ATAD2B: variants seen among roughly 807,000 people sequenced by gnomAD.
The protein encoded by ATAD2B is ATPase family AAA domain-containing protein 2B.
ATAD2B carries 40 observed loss-of-function variants against 167.6 expected under a neutral mutation model. That is an observed-to-expected ratio of 0.24 (90% confidence interval 0.19 to 0.31). ATAD2B has a LOEUF of 0.31. Among genes scored for constraint, ATAD2B ranks in the 10% least tolerant of loss-of-function variants. ATAD2B has a pLI of 1.00. For missense variants in ATAD2B, 1,242 were observed against 1,757.2 expected (o/e 0.71, Z 5.24); for synonymous variants, 579 against 596.5 (o/e 0.97, Z 0.43).
At chr2:23,884,418 GA>G (rs1289295620) in intron 6 of ATAD2B, among the ~76,000 whole-genome samples, 1 of 152,012 alleles carries the variant, frequency 6.6e-6, no homozygotes, top group African/African-American at 2.4e-5. Context: ...AGAGGCCACG[GA>G]TAGCAAAGTA....
chr2:23,861,149 C>CTT (rs34830213), intron 12 of ATAD2B, among the ~76,000 whole-genome samples: 112 of 136,334 alleles, frequency 8.2e-4, no homozygotes, highest in East Asian at 1.0e-3. Flanking sequence ...TGTTTTTTTC[C>CTT]TTTTTTTTTT....
intron 12 of ATAD2B, among the ~76,000 whole-genome samples, 171 bp downstream of exon 12, chr2:23,863,210 G>C (rs1168066363): frequency 1.3e-5 from 2 of 152,174 alleles, no homozygotes; most frequent in Non-Finnish European, 2.9e-5. Flanking sequence ...GGCAAGGACT[G>C]ATGCAGGAGA....
At chr2:23,904,986 T>G (rs899067364) in intron 1 of ATAD2B, among the ~76,000 whole-genome samples, 1 of 152,130 alleles carries the variant, frequency 6.6e-6, no homozygotes, top group Non-Finnish European at 1.5e-5. Context: ...TTTTCTCAAA[T>G]ATTCCAAGAA....
chr2:23,879,141 T>G (rs1267764164), intron 7 of ATAD2B, among the ~76,000 whole-genome samples: 2 of 152,216 alleles, frequency 1.3e-5, no homozygotes, highest in Non-Finnish European at 2.9e-5. Flanking sequence ...CTCCTTGGTA[T>G]TTGTTAGAAA....
At chr2:23,903,398 A>G (rs1212380154) in intron 1 of ATAD2B, among the ~76,000 whole-genome samples, 1 of 152,112 alleles carries the variant, frequency 6.6e-6, no homozygotes, top group South Asian at 2.1e-4. Context: ...TAATAATGTA[A>G]AATCCTACAG....
In ATAD2B at chr2:23,751,752, AGAG is replaced by A. The variant is rs1558482192; in HGVS notation, c.*291_*293del. ...AGTCTCCAAAAGAGAGTGCACAAAA[AGAG>A]GAGCAGAAGCGAGAGCAGTTTCTGT... is the stretch of plus-strand genomic sequence containing the variant. On this transcript the variant is annotated 3_prime_UTR_variant, in exon 28 of 28. Coordinates refer to ENST00000238789, the MANE Select transcript of ATAD2B (RefSeq NM_017552.4). 2.5e-6 allele frequency: 1 copy of A among 400,094 alleles called. No individual in the cohort carries two copies. The highest frequency in any genetic ancestry group is 5.2e-5 in the East Asian group (1 of 19,170). The allele number at this position is 400,094 out of a possible 1,614,324, so 24.8% of individuals were successfully genotyped here. A position where few individuals can be genotyped will look rare whatever the true frequency, so the allele number is the denominator to read the frequency against.
chr2:23,912,991 G>A (rs2150564054), intron 1 of ATAD2B, among the ~76,000 whole-genome samples: 1 of 152,126 alleles, frequency 6.6e-6, no homozygotes, highest in South Asian at 2.1e-4. Context: ...GCAAGAATCT[G>A]TCTCAAAAAT....
chr2:23,731,406 C>A, the ATAD2B span, among the ~76,000 whole-genome samples: 33 of 152,248 alleles, frequency 2.2e-4, no homozygotes, highest in African/African-American at 6.0e-4. Context: ...TGTATTTAGG[C>A]ATCAAATATC....
At chr2:23,919,128 A>C (rs1488517682) in intron 1 of ATAD2B, among the ~76,000 whole-genome samples, 1 of 152,172 alleles carries the variant, frequency 6.6e-6, no homozygotes, top group Non-Finnish European at 1.5e-5. Flanking sequence ...GGATTGCTTG[A>C]GGCCAGTAGT....
chr2:23,693,255 G>A, the ATAD2B span: 118 of 1,537,954 alleles, frequency 7.7e-5, no homozygotes, highest in East Asian at 2.7e-4. Context: ...GTGGTCCTGC[G>A]CTGTCGCCCC....
At chr2:23,873,076 G>A (rs1696253528) in intron 8 of ATAD2B, 1 of 509,638 alleles carries the variant, frequency 2.0e-6, no homozygotes, top group African/African-American at 1.9e-5. Context: ...CAGGAAGATA[G>A]TTGCAAAAAT....
the ATAD2B span, chr2:23,696,024 C>T: frequency 3.2e-6 from 5 of 1,551,738 alleles, no homozygotes; most frequent in South Asian, 5.9e-5. The surrounding 1 kb of genome is among the most constrained non-coding windows in gnomAD (Gnocchi z 5.5). Flanking sequence ...TGGTGGCCGT[C>T]ACCTGCTGGA....
intron 19 of ATAD2B, among the ~76,000 whole-genome samples, chr2:23,793,916 A>G (rs148930259): frequency 2.0e-5 from 3 of 152,374 alleles, no homozygotes; most frequent in African/African-American, 7.2e-5. Context: ...CACTAACATT[A>G]AAAGAATAAA....
At chr2:23,701,058 A>G in the ATAD2B span, among the ~76,000 whole-genome samples, 1 of 152,106 alleles carries the variant, frequency 6.6e-6, no homozygotes, top group Non-Finnish European at 1.5e-5. Flanking sequence ...CACATCTCCA[A>G]TCTGTTGCCC....
intron 1 of ATAD2B, among the ~76,000 whole-genome samples, chr2:23,911,051 A>AC (rs1464007616): frequency 2.0e-5 from 3 of 148,782 alleles, no homozygotes; most frequent in East Asian, 4.0e-4. Context: ...ACATGGAGAA[A>AC]CCCCATCTCT....
chr2:23,772,652 T>G (rs1197230590), intron 22 of ATAD2B, among the ~76,000 whole-genome samples: 1 of 151,520 alleles, frequency 6.6e-6, no homozygotes, highest in African/African-American at 2.4e-5. Flanking sequence ...AAAAAATCCA[T>G]AAAAATTTCC....
the ATAD2B span, among the ~76,000 whole-genome samples, chr2:23,725,439 T>G: frequency 2.0e-5 from 3 of 152,230 alleles, no homozygotes; most frequent in Admixed American, 2.0e-4. Context: ...TTAAAAATAT[T>G]TGTGGCTATT....
chr2:23,706,283 C>T, the ATAD2B span, among the ~76,000 whole-genome samples: 3 of 152,172 alleles, frequency 2.0e-5, no homozygotes, highest in Non-Finnish European at 2.9e-5. Flanking sequence ...TGGCATAGCA[C>T]GGCTTCCTGA....
chr2:23,792,684 C>T (rs748884572), intron 19 of ATAD2B, among the ~76,000 whole-genome samples: 3 of 151,828 alleles, frequency 2.0e-5, no homozygotes, highest in Non-Finnish European at 2.9e-5. Context: ...AACTTGTGGC[C>T]GGGCACGGTG....
Sources: gnomAD v4.1 joint callset for allele counts (sites outside exome capture counted in the v4.1 genomes callset) on GRCh38, gnomAD v4.1.1 for gene constraint, Gnocchi (gnomAD v3.1) non-coding constraint, MANE v1.5 for transcripts, NCBI Gene and HGNC (gene_info 2026-07-23, HGNC 2026-07-21) for gene names.